Variants in CHSY3 observed in about 807,000 individuals in gnomAD.
The protein encoded by CHSY3 is N-acetylgalactosaminyl-proteoglycan 3-beta-glucuronosyltransferase 3.
CHSY3 carries 35 observed loss-of-function variants against 67.2 expected under a neutral mutation model. The observed-to-expected ratio is 0.52, with a 90% CI of 0.40 to 0.69. CHSY3 has a LOEUF of 0.69. CHSY3 is among the 30% of genes least tolerant of loss of function. The probability of loss-of-function intolerance (pLI) is 0.00; values close to 1 mark genes in which losing one functional copy is unlikely to be tolerated. For missense variants in CHSY3, 1,069 were observed against 1,138.5 expected, an observed-to-expected ratio of 0.94 and a Z score of 0.88; for synonymous variants, 474 against 434.7, an observed-to-expected ratio of 1.09 and a Z score of -1.12.
intron 2 of CHSY3, among the ~76,000 whole-genome samples, chr5:129,954,615 C>G (rs1270015608): frequency 6.6e-6 from 1 of 152,108 alleles, no homozygotes; most frequent in Non-Finnish European, 1.5e-5. Flanking sequence ...TATCCATGAG[C>G]ATGGAGTGTT....
chr5:130,118,812 C>T (rs561848231), intron 2 of CHSY3, among the ~76,000 whole-genome samples: 1 of 152,068 alleles, frequency 6.6e-6, no homozygotes, highest in East Asian at 1.9e-4. Context: ...ATGCTGGGTG[C>T]TTTTGTATCC....
At chr5:129,906,612 C>G (rs1201275123) in intron 1 of CHSY3, among the ~76,000 whole-genome samples, 3 of 152,176 alleles carry the variant, frequency 2.0e-5, no homozygotes, top group African/African-American at 7.2e-5. Context: ...CTCAGCGGAT[C>G]AAAGTTCTTT....
intron 2 of CHSY3, among the ~76,000 whole-genome samples, chr5:129,991,794 G>A (rs75162326): frequency 0.011 from 1,743 of 152,240 alleles, 22 homozygotes; most frequent in African/African-American, 0.04. Context: ...ATTCCTGTTT[G>A]AGATTGGGAA....
At chr5:130,043,382 A>C (rs1051171669) in intron 2 of CHSY3, among the ~76,000 whole-genome samples, 1 of 152,106 alleles carries the variant, frequency 6.6e-6, no homozygotes, top group African/African-American at 2.4e-5. Context: ...TATTTCCCTG[A>C]GAATAGATTT....
chr5:129,915,961 G>T (rs928512104), intron 2 of CHSY3, among the ~76,000 whole-genome samples: 1 of 152,170 alleles, frequency 6.6e-6, no homozygotes, highest in Non-Finnish European at 1.5e-5. Flanking sequence ...TATAAATAGA[G>T]TAGCGTGGTT....
At chr5:129,985,949 A>G (rs923049894) in intron 2 of CHSY3, among the ~76,000 whole-genome samples, 3 of 152,134 alleles carry the variant, frequency 2.0e-5, no homozygotes, top group Admixed American at 2.0e-4. Context: ...TTCTAGGTAT[A>G]GTATCATAGT....
chr5:130,123,669 G>A (rs1030180022), intron 2 of CHSY3, among the ~76,000 whole-genome samples: 2 of 152,012 alleles, frequency 1.3e-5, no homozygotes, highest in Admixed American at 1.3e-4. Context: ...TGTTTCTTTT[G>A]TGCATTTGTG....
intron 2 of CHSY3, among the ~76,000 whole-genome samples, chr5:130,043,377 C>T (rs571029877): frequency 1.3e-5 from 2 of 151,944 alleles, no homozygotes; most frequent in South Asian, 2.1e-4. Flanking sequence ...TCAGATATTT[C>T]CCTGAGAATA....
Position 130,002,914 on chromosome 5 carries a change from T to C in CHSY3, c.1086+94554T>C, listed in dbSNP as rs377245315. 4.4e-4 allele frequency among the ~76,000 whole-genome samples: 67 copies of C among 152,344 alleles called. 1 individual carries two copies. In the Middle Eastern group the frequency reaches 0.031, roughly 70 times the overall value. On this transcript the variant is annotated intron_variant, in intron 2 of 2. Transcript: ENST00000305031. ...ACCCAACTGTAATTCCAAATGACTTTACATGTGTTCTTGTTTCTTTGTTTT... is the reference window on the plus strand; with the variant it reads ...ACCCAACTGTAATTCCAAATGACTTCACATGTGTTCTTGTTTCTTTGTTTT...
At chr5:130,099,156 C>T (rs1002188021) in intron 2 of CHSY3, among the ~76,000 whole-genome samples, 2 of 152,194 alleles carry the variant, frequency 1.3e-5, no homozygotes, top group Non-Finnish European at 2.9e-5. Flanking sequence ...TGTAATTCTA[C>T]CTCCCACAAA....
At chr5:129,953,601 G>T (rs1179373363) in intron 2 of CHSY3, among the ~76,000 whole-genome samples, 2 of 152,180 alleles carry the variant, frequency 1.3e-5, no homozygotes, top group Non-Finnish European at 2.9e-5. Context: ...CACCAACAGT[G>T]TAAAAATGTT....
intron 2 of CHSY3, among the ~76,000 whole-genome samples, chr5:129,996,280 G>A (rs556540887): frequency 6.6e-6 from 1 of 152,236 alleles, no homozygotes; most frequent in South Asian, 2.1e-4. Context: ...CACCCAGCCA[G>A]TACAGCCTGA....
At chr5:130,020,779 C>T (rs1276716928) in intron 2 of CHSY3, among the ~76,000 whole-genome samples, 1 of 152,074 alleles carries the variant, frequency 6.6e-6, no homozygotes, top group Non-Finnish European at 1.5e-5. Flanking sequence ...TGTAATTCCT[C>T]TAAGAAATCT....
At chr5:129,923,691 T>C (rs1423212373) in intron 2 of CHSY3, among the ~76,000 whole-genome samples, 1 of 152,098 alleles carries the variant, frequency 6.6e-6, no homozygotes, top group East Asian at 1.9e-4. Context: ...GAAACACAAT[T>C]GGCAGATCAA....
intron 2 of CHSY3, among the ~76,000 whole-genome samples, chr5:129,985,611 T>C (rs1228115494): frequency 6.6e-6 from 1 of 152,202 alleles, no homozygotes; most frequent in African/African-American, 2.4e-5. Flanking sequence ...GTAAATTCCT[T>C]TGTGCAGTAT....
chr5:129,924,663 A>G lies in CHSY3; in HGVS notation c.1086+16303A>G, dbSNP rs1357547522. 3.3e-5 allele frequency among the ~76,000 whole-genome samples: 5 copies of G among 149,726 alleles called. No homozygotes were observed. The East Asian group carries it at 5.9e-4, about 18-fold the overall frequency. On this transcript the variant is annotated intron_variant, in intron 2 of 2. Transcript: ENST00000305031. ...CCCTCTAAAAAAAAAAAAAAAAAAT[A>G]GAATTAACTTTCTGTAGTTATTCTT...
chr5:130,074,777 G>A (rs1457099606), intron 2 of CHSY3, among the ~76,000 whole-genome samples: 1 of 152,046 alleles, frequency 6.6e-6, no homozygotes, highest in Non-Finnish European at 1.5e-5. Flanking sequence ...ACATATTTAG[G>A]ATTCAATACT....
intron 2 of CHSY3, among the ~76,000 whole-genome samples, chr5:130,053,916 A>G (rs1232464750): frequency 6.6e-6 from 1 of 152,196 alleles, no homozygotes; most frequent in Non-Finnish European, 1.5e-5. Context: ...TGAGATATCA[A>G]GATATGTTTA....
In CHSY3 at chr5:129,974,332, A is replaced by G. The variant is rs555875739; in HGVS notation, c.1086+65972A>G. Among the ~76,000 whole-genome samples, 10 of 152,176 alleles carry G rather than the reference A, an allele frequency of 6.6e-5. No individual in the cohort carries two copies. In the South Asian group the frequency reaches 2.1e-3, roughly 32 times the overall value. On this transcript the variant is annotated intron_variant, in intron 2 of 2. Coordinates refer to ENST00000305031, the MANE Select transcript of CHSY3 (RefSeq NM_175856.5). ...ACTCAACTGACCCTTCTGTGGGCTT[A>G]CCCTGACTTGGTGATACTGCGACCT... is the stretch of plus-strand genomic sequence containing the variant.
Sources: allele counts gnomAD v4.1 joint callset (sites outside exome capture counted in the v4.1 genomes callset), GRCh38; gene constraint gnomAD v4.1.1; transcripts MANE v1.5; gene names NCBI Gene and HGNC (gene_info 2026-07-23, HGNC 2026-07-21).